The following CORIN variants were observed in gnomAD, a reference collection of about 807,000 sequenced individuals.
CORIN encodes atrial natriuretic peptide-converting enzyme.
CORIN carries 117 observed loss-of-function variants against 125.3 expected under a neutral mutation model. The ratio of observed to expected loss-of-function variants is 0.93; its 90% CI spans 0.80 to 1.09. The LOEUF (loss-of-function observed/expected upper bound fraction) is 1.09, where lower values mean the gene tolerates loss of function less well. Ranked by LOEUF, CORIN falls within the 50% of genes least tolerant of loss-of-function variation. The pLI is 0.00. For missense variants in CORIN, 1,253 were observed against 1,306.7 expected (o/e 0.96, Z 0.63); for synonymous variants, 450 against 466.4 (o/e 0.96, Z 0.45).
chr4:47,807,075 GGTTTTA>G (rs1731829946), intron 1 of CORIN, 28 bp from the exon 2 acceptor site: 2 of 1,586,842 alleles, frequency 1.3e-6, no homozygotes, highest in Non-Finnish European at 1.7e-6. Flanking sequence ...AATGCAACAT[GGTTTTA>G]GTTTTACAAT....
At chr4:47,630,922 C>T (rs549295484) in intron 16 of CORIN, among the ~76,000 whole-genome samples, 24 of 152,164 alleles carry the variant, frequency 1.6e-4, no homozygotes, top group African/African-American at 5.1e-4. Context: ...GGTCTGAGAC[C>T]GCACTTTGAA....
rs149578303 is a variant in CORIN, at chr4:47,689,516, A to T, written c.913+3454T>A. Among the ~76,000 whole-genome samples, 203 of 152,278 alleles carry T rather than the reference A, an allele frequency of 1.3e-3. 1 individual carries two copies. The highest frequency in any genetic ancestry group is 4.8e-3 in the African/African-American group (200 of 41,546). Reference sequence around the variant, plus strand: ...AAATAAGTCAACCAATTTTACCCAAAATTCACAGAAAATGATTTTCAAAAA... The same window carrying T: ...AAATAAGTCAACCAATTTTACCCAATATTCACAGAAAATGATTTTCAAAAA... On this transcript the variant is annotated intron_variant, in intron 6 of 21. Coordinates refer to ENST00000273857, the MANE Select transcript of CORIN (RefSeq NM_006587.4).
intron 16 of CORIN, among the ~76,000 whole-genome samples, chr4:47,639,632 G>A (rs1723161360): frequency 1.3e-5 from 2 of 152,176 alleles, no homozygotes; most frequent in Non-Finnish European, 2.9e-5. Flanking sequence ...TTCCCTCCTT[G>A]TGCAGCATAG....
chr4:47,837,761 C>T, intron 1 of CORIN, 126 bp downstream of exon 1: 1 of 869,002 alleles, frequency 1.2e-6, no homozygotes, highest in Non-Finnish European at 2.0e-6. Flanking sequence ...AGCTCACCGG[C>T]GGCTGGGGAA....
At chr4:47,603,214 C>A (rs963414348) in intron 20 of CORIN, among the ~76,000 whole-genome samples, 183 bp downstream of exon 20, 1 of 152,114 alleles carries the variant, frequency 6.6e-6, no homozygotes, top group African/African-American at 2.4e-5. Context: ...CTCAGTACTT[C>A]TCCTTGCTGC....
chr4:47,780,416 A>G (rs1413946702), intron 3 of CORIN, among the ~76,000 whole-genome samples: 1 of 152,168 alleles, frequency 6.6e-6, no homozygotes, highest in Non-Finnish European at 1.5e-5. Flanking sequence ...TTCATACATT[A>G]TATAAAAGAG....
intron 3 of CORIN, 114 bp downstream of exon 3, chr4:47,786,611 A>T: frequency 1.3e-6 from 1 of 751,626 alleles, no homozygotes; most frequent in South Asian, 1.8e-5. Context: ...AACTGAGTGG[A>T]GATTTTCCTG....
chr4:47,733,556 T>A (rs1727986205), intron 5 of CORIN, among the ~76,000 whole-genome samples: 1 of 152,204 alleles, frequency 6.6e-6, no homozygotes, highest in Admixed American at 6.5e-5. Flanking sequence ...ACTGAAGTTC[T>A]TTCATGGCAG....
intron 4 of CORIN, among the ~76,000 whole-genome samples, chr4:47,746,257 T>C (rs1051807681): frequency 1.3e-5 from 2 of 152,212 alleles, no homozygotes; most frequent in Non-Finnish European, 2.9e-5. Flanking sequence ...AATTACTATA[T>C]GCAGTTACTT....
chr4:47,642,939 A>G lies in CORIN; in HGVS notation c.2068+207T>C, dbSNP rs868528598. The G allele has an allele frequency of 4.2e-5, 64 of 1,533,648 alleles. No individual in the cohort carries two copies. The African/African-American group carries it at 7.7e-4, about 18-fold the overall frequency. ...CCAAACGTTTTTCCATACAATATAGATATTTCAAATAGAGAAGTAGCTTCG... is the reference window on the plus strand; with the variant it reads ...CCAAACGTTTTTCCATACAATATAGGTATTTCAAATAGAGAAGTAGCTTCG... On this transcript the variant is annotated intron_variant, in intron 15 of 21. Transcript: ENST00000273857.
intron 6 of CORIN, among the ~76,000 whole-genome samples, chr4:47,692,665 CT>C (rs1176621397): frequency 6.6e-6 from 1 of 151,994 alleles, no homozygotes. Flanking sequence ...GACCTTTATA[CT>C]CATAAACAAA....
At chr4:47,679,859 G>C in intron 8 of CORIN, 1 of 266,094 alleles carries the variant, frequency 3.8e-6, no homozygotes. Flanking sequence ...AAGCATAAAA[G>C]AGACATATGG....
Position 47,785,685 on chromosome 4 carries a change from G to A in CORIN, c.409+1040C>T, listed in dbSNP as rs141735332. On this transcript the variant is annotated intron_variant, in intron 3 of 21. Coordinates refer to ENST00000273857, the MANE Select transcript of CORIN (RefSeq NM_006587.4). ...TCCCAGCACTTTGGGAGGCCGAGGC[G>A]GGTGGATCATGAGGTTAGGAGTTCA... is the stretch of plus-strand genomic sequence containing the variant. Among the ~76,000 whole-genome samples, 2,056 of 152,050 alleles carry A rather than the reference G, an allele frequency of 0.014. 92 individuals are homozygous for A. In the East Asian group the frequency reaches 0.17, roughly 13 times the overall value.
intron 5 of CORIN, among the ~76,000 whole-genome samples, chr4:47,738,836 T>G (rs1164399485): frequency 1.3e-5 from 2 of 151,910 alleles, no homozygotes; most frequent in Non-Finnish European, 2.9e-5. Context: ...ATAAGAGCAA[T>G]GGCTCAAAAA....
chr4:47,775,750 A>G (rs951312876), intron 3 of CORIN, among the ~76,000 whole-genome samples: 1 of 152,204 alleles, frequency 6.6e-6, no homozygotes, highest in African/African-American at 2.4e-5. Context: ...ATGTGTCCCC[A>G]GGCATTTTCT....
chr4:47,665,161 ATGGAT>A lies in CORIN; in HGVS notation c.1455_1459del (p.Ser486GlnfsTer17). ...AGGGAAAAGAGAAGACTCCCAGCTG[ATGGAT>A]GCTTCCTTTTGAGTCCTGTGGCCAA... On this transcript the variant is annotated frameshift_variant, in exon 11 of 22. Coordinates refer to ENST00000273857, the MANE Select transcript of CORIN (RefSeq NM_006587.4). LOFTEE classifies it high-confidence loss of function. 6.2e-7 allele frequency: 1 copy of A among 1,613,904 alleles called. No individual in the cohort carries two copies. Among genetic ancestry groups the A allele is most frequent in the Non-Finnish European group, 8.5e-7 (1 of 1,179,818 alleles).
intron 13 of CORIN, among the ~76,000 whole-genome samples, chr4:47,645,813 G>A (rs1022368544): frequency 2.6e-5 from 4 of 152,162 alleles, no homozygotes; most frequent in Non-Finnish European, 4.4e-5. Flanking sequence ...TTGAACTCAG[G>A]AGGTGGAGGT....
Position 47,805,148 on chromosome 4 carries a change from A to AAAT in CORIN, c.208+1752_208+1754dup, listed in dbSNP as rs1553919339. ...GAGACTCCATCTCAAAAAAAAAAAA[A>AAAT]AATAATAATAATAATAATAATAATA... On this transcript the variant is annotated intron_variant, in intron 2 of 21. Transcript: ENST00000273857. Among the ~76,000 whole-genome samples, 173 of 129,052 alleles carry AAAT rather than the reference A, an allele frequency of 1.3e-3. 1 individual carries two copies. The highest frequency in any genetic ancestry group is 1.8e-3 in the South Asian group (7 of 3,864). The allele number at this position is 129,052 out of a possible 152,430, so 84.7% of individuals were successfully genotyped here.
intron 1 of CORIN, among the ~76,000 whole-genome samples, chr4:47,813,600 T>G (rs1040145440): frequency 6.6e-6 from 1 of 152,252 alleles, no homozygotes; most frequent in Non-Finnish European, 1.5e-5. Flanking sequence ...GAGGCAGAAT[T>G]TAAACTGTTT....
Sources: gnomAD v4.1 joint callset for allele counts (sites outside exome capture counted in the v4.1 genomes callset) on GRCh38, gnomAD v4.1.1 for gene constraint, MANE v1.5 for transcripts, NCBI Gene and HGNC (gene_info 2026-07-23, HGNC 2026-07-21) for gene names.